ERC1: variants seen among roughly 807,000 people sequenced by gnomAD.
The protein encoded by ERC1 is RAB6 interacting protein 2.
ERC1 carries 56 observed loss-of-function variants against 132.0 expected under a neutral mutation model. That is an observed-to-expected ratio of 0.42 (90% CI 0.34 to 0.53). ERC1 has a LOEUF of 0.53. ERC1 is among the 20% of genes least tolerant of loss of function. The pLI is 0.03. For synonymous variants in ERC1, 478 were observed against 476.1 expected (o/e 1.00, Z -0.05); for missense variants, 1,202 against 1,349.9 (o/e 0.89, Z 1.72).
intron 15 of ERC1, among the ~76,000 whole-genome samples, chr12:1,338,252 T>G (rs2083478261): frequency 6.6e-6 from 1 of 152,198 alleles, no homozygotes; most frequent in Non-Finnish European, 1.5e-5. Flanking sequence ...CTTTTCTCTA[T>G]TATTGTCTGA....
chr12:1,217,764 C>T (rs1406656543), intron 12 of ERC1, among the ~76,000 whole-genome samples: 2 of 152,140 alleles, frequency 1.3e-5, no homozygotes, highest in Non-Finnish European at 2.9e-5. Flanking sequence ...CTTCCTTACC[C>T]GGGTCAGATT....
chr12:1,198,855 TA>T (rs1465213214), intron 12 of ERC1, among the ~76,000 whole-genome samples: 2 of 152,164 alleles, frequency 1.3e-5, no homozygotes, highest in Non-Finnish European at 2.9e-5. Flanking sequence ...AAGACAGCAC[TA>T]GGGGGATGGT....
chr12:1,295,824 C>G (rs1305892444), intron 15 of ERC1, among the ~76,000 whole-genome samples: 2 of 151,852 alleles, frequency 1.3e-5, no homozygotes, highest in Non-Finnish European at 2.9e-5. Flanking sequence ...CAACTATTAA[C>G]TGACTTATAT....
At chr12:997,985 T>TCCACCC (rs1296375280) in intron 1 of ERC1, among the ~76,000 whole-genome samples, 7 of 152,222 alleles carry the variant, frequency 4.6e-5, no homozygotes, top group Non-Finnish European at 8.8e-5. Flanking sequence ...TATTGGCTTG[T>TCCACCC]TATCATCATT....
At chr12:1,186,358 A>G (rs1955094644) in intron 11 of ERC1, among the ~76,000 whole-genome samples, 1 of 152,224 alleles carries the variant, frequency 6.6e-6, no homozygotes, top group African/African-American at 2.4e-5. Context: ...TATGACATGT[A>G]TGAAATACAA....
chr12:1,277,534 A>T (rs919258519), intron 14 of ERC1, among the ~76,000 whole-genome samples: 2 of 152,214 alleles, frequency 1.3e-5, no homozygotes, highest in African/African-American at 4.8e-5. Flanking sequence ...CATATCCTAA[A>T]TTCATTTTCT....
intron 2 of ERC1, among the ~76,000 whole-genome samples, chr12:1,043,304 A>T (rs1970573695): frequency 6.6e-6 from 1 of 152,012 alleles, no homozygotes; most frequent in Non-Finnish European, 1.5e-5. Context: ...TGGCCTCCCA[A>T]AGTGCTGAGA....
chr12:1,248,828 A>G (rs2076307230), intron 13 of ERC1, among the ~76,000 whole-genome samples: 1 of 152,168 alleles, frequency 6.6e-6, no homozygotes, highest in Admixed American at 6.5e-5. Context: ...TTCTCTTAAG[A>G]AGCTCACATT....
intron 12 of ERC1, among the ~76,000 whole-genome samples, chr12:1,193,237 A>G (rs1170769429): frequency 6.6e-6 from 1 of 152,226 alleles, no homozygotes; most frequent in African/African-American, 2.4e-5. Context: ...AGTTCTTGTC[A>G]GAAGATGATT....
At chr12:1,052,799 G>A (rs532731962) in intron 2 of ERC1, among the ~76,000 whole-genome samples, 7 of 152,064 alleles carry the variant, frequency 4.6e-5, no homozygotes, top group Admixed American at 2.6e-4. Context: ...GTGAAACCCC[G>A]TCTCCACTAA....
intron 12 of ERC1, among the ~76,000 whole-genome samples, chr12:1,214,651 C>T (rs536176140): frequency 8.2e-5 from 11 of 133,486 alleles, no homozygotes; most frequent in African/African-American, 1.3e-4. Context: ...CATAAATATG[C>T]GTGTGTGTAT....
intron 7 of ERC1, among the ~76,000 whole-genome samples, chr12:1,134,627 C>T (rs1206647663): frequency 6.6e-6 from 1 of 151,954 alleles, no homozygotes; most frequent in Non-Finnish European, 1.5e-5. Flanking sequence ...GTTGGGATTA[C>T]AGGTGTGAGC....
chr12:1,289,194 A>AATAT (rs550209473), intron 14 of ERC1, among the ~76,000 whole-genome samples: 6 of 145,642 alleles, frequency 4.1e-5, no homozygotes, highest in East Asian at 2.0e-4. Context: ...GTATATATAT[A>AATAT]ATATATATAT....
intron 17 of ERC1, among the ~76,000 whole-genome samples, chr12:1,431,080 G>GA (rs1592009681): frequency 6.6e-6 from 1 of 152,148 alleles, no homozygotes; most frequent in Non-Finnish European, 1.5e-5. Flanking sequence ...ACTACTCAGG[G>GA]AAAAGCAATG....
intron 12 of ERC1, among the ~76,000 whole-genome samples, chr12:1,194,543 C>G (rs1443279382): frequency 2.0e-5 from 3 of 152,132 alleles, no homozygotes; most frequent in African/African-American, 7.2e-5. Context: ...CTGAATGTTC[C>G]CATGTTATAG....
At chr12:1,365,135 G>A (rs2086534973) in intron 15 of ERC1, among the ~76,000 whole-genome samples, 1 of 151,898 alleles carries the variant, frequency 6.6e-6, no homozygotes, top group Non-Finnish European at 1.5e-5. Flanking sequence ...CCTTCTACTT[G>A]TGCACCCCCT....
chr12:1,396,343 G>A (rs142411693), intron 16 of ERC1, among the ~76,000 whole-genome samples: 85 of 152,256 alleles, frequency 5.6e-4, no homozygotes, highest in African/African-American at 1.9e-3. Context: ...GTCCTTAATC[G>A]TAGGAAAGGT....
chr12:1,301,329 C>T (rs2080382483), intron 15 of ERC1, among the ~76,000 whole-genome samples: 1 of 152,110 alleles, frequency 6.6e-6, no homozygotes, highest in African/African-American at 2.4e-5. Context: ...ACTTAAACCC[C>T]AAAAGCTATT....
chr12:1,349,488 A>C (rs1452144933), intron 15 of ERC1, among the ~76,000 whole-genome samples: 1 of 152,022 alleles, frequency 6.6e-6, no homozygotes, highest in East Asian at 1.9e-4. Flanking sequence ...AATATGGTGA[A>C]ACCCTCTCTA....
Sources: gnomAD v4.1 joint callset for allele counts (sites outside exome capture counted in the v4.1 genomes callset) on GRCh38, gnomAD v4.1.1 for gene constraint, MANE v1.5 for transcripts, NCBI Gene and HGNC (gene_info 2026-07-23, HGNC 2026-07-21) for gene names.